Variants in PTPRD observed in about 807,000 individuals in gnomAD.
PTPRD encodes the protein protein tyrosine phosphatase receptor type D, also known as receptor-type tyrosine-protein phosphatase delta.
PTPRD carries 34 observed loss-of-function variants against 214.5 expected under a neutral mutation model. The observed-to-expected ratio is 0.16, with a 90% confidence interval of 0.12 to 0.21. The LOEUF (loss-of-function observed/expected upper bound fraction) is 0.21, where lower values mean the gene tolerates loss of function less well. Ranked by LOEUF, PTPRD falls within the 10% of genes least tolerant of loss-of-function variation. PTPRD has a pLI of 1.00. For synonymous variants in PTPRD, 1,128 were observed against 845.7 expected, an observed-to-expected ratio of 1.33 and a Z score of -5.79; for missense variants, 2,545 against 2,398.7, an observed-to-expected ratio of 1.06 and a Z score of -1.27.
At chr9:10,544,313 G>T (rs923347620) in intron 2 of PTPRD, among the ~76,000 whole-genome samples, 1 of 151,948 alleles carries the variant, frequency 6.6e-6, no homozygotes, top group Non-Finnish European at 1.5e-5. Flanking sequence ...TTTGAAAGAG[G>T]TTTATATAAA....
chr9:10,171,741 T>C (rs943963800), intron 3 of PTPRD, among the ~76,000 whole-genome samples: 1 of 152,242 alleles, frequency 6.6e-6, no homozygotes, highest in Admixed American at 6.5e-5. Context: ...ACCAGGATGG[T>C]CTCGATCTCC....
intron 8 of PTPRD, among the ~76,000 whole-genome samples, chr9:9,548,056 A>G (rs2079231262): frequency 6.6e-6 from 1 of 152,060 alleles, no homozygotes; most frequent in Non-Finnish European, 1.5e-5. Flanking sequence ...TTATCCAGCT[A>G]AAATGAAGTT....
chr9:9,891,473 T>A (rs922049401), intron 5 of PTPRD, among the ~76,000 whole-genome samples: 2 of 152,008 alleles, frequency 1.3e-5, no homozygotes, highest in African/African-American at 4.8e-5. Flanking sequence ...TATAGACCAT[T>A]ATTTCTTCTG....
chr9:9,952,759 G>C lies in PTPRD; in HGVS notation c.-471-14149C>G, dbSNP rs956357824. 2.6e-5 allele frequency among the ~76,000 whole-genome samples: 4 copies of C among 152,232 alleles called. No homozygotes were observed. The East Asian group carries it at 5.8e-4, about 22-fold the overall frequency. ...AACTAGGGTTTAAACACTGAAGATA[G>C]AGTACCTGTAATACTGTCATGAACC... On this transcript the variant is annotated intron_variant, in intron 4 of 45. Transcript: ENST00000381196.
chr9:8,740,295 T>C (rs2091586005), intron 11 of PTPRD, among the ~76,000 whole-genome samples: 1 of 151,368 alleles, frequency 6.6e-6, no homozygotes, highest in African/African-American at 2.5e-5. Flanking sequence ...AAAGATGGCG[T>C]TTCATACTTC....
intron 3 of PTPRD, among the ~76,000 whole-genome samples, chr9:10,112,431 A>AT (rs61488370): frequency 3.2e-3 from 475 of 149,734 alleles, no homozygotes; most frequent in African/African-American, 6.6e-3. Context: ...ACAATTATCT[A>AT]TTTTTTTTTT....
chr9:9,483,646 A>G (rs148096848), intron 8 of PTPRD, among the ~76,000 whole-genome samples: 28 of 152,228 alleles, frequency 1.8e-4, no homozygotes, highest in Admixed American at 2.6e-4. Context: ...TAGAATCCTC[A>G]CTAGGTAGCA....
intron 5 of PTPRD, among the ~76,000 whole-genome samples, chr9:9,830,924 T>G (rs1278980008): frequency 6.6e-6 from 1 of 151,966 alleles, no homozygotes; most frequent in East Asian, 1.9e-4. Flanking sequence ...AAATGTATTG[T>G]AGGTATCAGA....
In PTPRD at chr9:8,694,298, AT is replaced by A. The variant is rs532898032; in HGVS notation, c.64+39481del. ...TGGGAGAGAAATTTTAAAAGTTGTA[AT>A]TTTTTTTTTCATGTTTAGCAAAAGG... On this transcript the variant is annotated intron_variant, in intron 12 of 45. Coordinates refer to ENST00000381196, the MANE Select transcript of PTPRD (RefSeq NM_002839.4). Among the ~76,000 whole-genome samples, 105 of 150,948 alleles carry A rather than the reference AT, an allele frequency of 7.0e-4. 1 individual carries two copies. Among genetic ancestry groups the A allele is most frequent in the African/African-American group, 2.3e-3 (93 of 41,220 alleles).
chr9:9,223,396 C>T (rs1183614728), intron 9 of PTPRD, among the ~76,000 whole-genome samples: 1 of 151,922 alleles, frequency 6.6e-6, no homozygotes, highest in African/African-American at 2.4e-5. Context: ...AGATGAATTC[C>T]ACACTTTAGA....
chr9:9,457,149 A>C (rs1256779586), intron 8 of PTPRD, among the ~76,000 whole-genome samples: 1 of 151,980 alleles, frequency 6.6e-6, no homozygotes, highest in African/African-American at 2.4e-5. Context: ...GAGCAAAGGA[A>C]GACAAAAGAG....
intron 8 of PTPRD, among the ~76,000 whole-genome samples, chr9:9,449,648 C>G (rs891282452): frequency 1.3e-5 from 2 of 151,982 alleles, no homozygotes; most frequent in African/African-American, 4.8e-5. Flanking sequence ...CACATTTGCT[C>G]ATTCACATTG....
intron 8 of PTPRD, among the ~76,000 whole-genome samples, chr9:9,428,662 T>G (rs567594272): frequency 6.6e-6 from 1 of 152,148 alleles, no homozygotes; most frequent in Non-Finnish European, 1.5e-5. Flanking sequence ...AGTAAAGCAC[T>G]CCTCAGAAAA....
intron 2 of PTPRD, among the ~76,000 whole-genome samples, chr9:10,412,266 T>C (rs1439215214): frequency 6.6e-6 from 1 of 151,610 alleles, no homozygotes; most frequent in Non-Finnish European, 1.5e-5. Flanking sequence ...AAAATAACAA[T>C]TAGAAACTAC....
At chr9:9,776,680 T>C (rs1178374894) in intron 5 of PTPRD, among the ~76,000 whole-genome samples, 1 of 152,226 alleles carries the variant, frequency 6.6e-6, no homozygotes, top group African/African-American at 2.4e-5. Context: ...AGCCATTACA[T>C]GTTAAAATGA....
intron 2 of PTPRD, among the ~76,000 whole-genome samples, chr9:10,374,677 G>C (rs1478393678): frequency 6.6e-6 from 1 of 152,012 alleles, no homozygotes; most frequent in Non-Finnish European, 1.5e-5. Context: ...GCGTGATGCA[G>C]TTTTCCACAC....
intron 10 of PTPRD, among the ~76,000 whole-genome samples, chr9:9,057,695 G>A (rs942496770): frequency 1.3e-4 from 20 of 151,972 alleles, no homozygotes; most frequent in African/African-American, 4.3e-4. Context: ...AAGGTGTGAG[G>A]GTGAGTAAAG....
At chr9:8,985,738 T>A (rs1356494167) in intron 11 of PTPRD, among the ~76,000 whole-genome samples, 1 of 151,972 alleles carries the variant, frequency 6.6e-6, no homozygotes, top group African/African-American at 2.4e-5. Flanking sequence ...AAGTTATATA[T>A]GCTTTGATTA....
intron 7 of PTPRD, among the ~76,000 whole-genome samples, chr9:9,633,512 G>A (rs1476702744): frequency 4.1e-5 from 5 of 122,350 alleles, no homozygotes; most frequent in African/African-American, 3.3e-5. Flanking sequence ...TAGATGTAAG[G>A]TTAAAAGTGA....
Sources: allele counts gnomAD v4.1 joint callset (sites outside exome capture counted in the v4.1 genomes callset), GRCh38; gene constraint gnomAD v4.1.1; transcripts MANE v1.5; gene names NCBI Gene and HGNC (gene_info 2026-07-23, HGNC 2026-07-21).